The following C15orf39 variants were observed in gnomAD, a reference collection of about 807,000 sequenced individuals.
C15orf39 encodes uncharacterized protein C15orf39.
C15orf39 carries 24 observed loss-of-function variants against 53.9 expected under a neutral mutation model. The ratio of observed to expected loss-of-function variants is 0.45; its 90% CI spans 0.32 to 0.63. The LOEUF (loss-of-function observed/expected upper bound fraction) is 0.63, where lower values mean the gene tolerates loss of function less well. Ranked by LOEUF, C15orf39 falls within the 20% of genes least tolerant of loss-of-function variation. The probability of loss-of-function intolerance (pLI) is 0.04; values close to 1 mark genes in which losing one functional copy is unlikely to be tolerated. For missense variants in C15orf39, 1,271 were observed against 1,347.9 expected, an observed-to-expected ratio of 0.94 and a Z score of 0.89; for synonymous variants, 569 against 576.5, an observed-to-expected ratio of 0.99 and a Z score of 0.19.
At chr15:75,199,458 G>A (rs760626567), upstream of C15orf39, among the ~76,000 whole-genome samples, 2 of 152,212 alleles carry the variant, frequency 1.3e-5, no homozygotes, top group Non-Finnish European at 2.9e-5. Flanking sequence ...ATACTTCTCT[G>A]TTTCTCTGCC....
Position 75,207,795 on chromosome 15 carries a change from G to A in C15orf39, c.1747G>A (p.Ala583Thr), listed in dbSNP as rs745315547. 1 of 1,612,064 alleles carries A rather than the reference G, an allele frequency of 6.2e-7. No individual in the cohort carries two copies. The highest frequency in any genetic ancestry group is 8.5e-7 in the Non-Finnish European group (1 of 1,179,426). ...GGATTTGAGTGTGAGGAAGCCCACA[G>A]CAGAGGCCTCCCCTGTCAAGGCTTC... ...ALDLSVRKPT[A>T]EASPVKASRS... Residue 583 changes from alanine (A) to threonine (T), a missense_variant, in exon 2 of 3, where the codon GCA becomes ACA. This residue lies in a region of C15orf39 where 994 missense variants were observed against 993.7 expected (regional missense o/e 1.00). Coordinates refer to ENST00000394987, the MANE Select transcript of C15orf39 (RefSeq NM_015492.5).
intron 1 of C15orf39, among the ~76,000 whole-genome samples, chr15:75,204,426 T>C (rs1350286069): frequency 6.6e-6 from 1 of 152,274 alleles, no homozygotes; most frequent in African/African-American, 2.4e-5. Context: ...GAGTAGTGGC[T>C]AAGTAGCACT....
In C15orf39 at chr15:75,208,769, C is replaced by T. The variant is rs1285420232; in HGVS notation, c.2721C>T (p.Asp907=). The change falls in exon 2 of 3, where the codon GAC becomes GAT. Residue 907 remains aspartate, a synonymous_variant. Coordinates refer to ENST00000394987, the MANE Select transcript of C15orf39 (RefSeq NM_015492.5). ...TACTGGCGCTGCGCCAGCTGCCGGA[C>T]ATTTACCCCGACCTTCTCGGCCTGC... ...LKLLALRQLP[D]IYPDLLGLQW... 3 of 1,608,032 alleles carry T rather than the reference C, an allele frequency of 1.9e-6. No individual in the cohort carries two copies. The Admixed American group carries it at 5.0e-5, about 27-fold the overall frequency.
rs2070448154 is a variant in C15orf39, at chr15:75,207,364, A to G, written c.1316A>G (p.Lys439Arg). 1 of 1,613,292 alleles carries G rather than the reference A, an allele frequency of 6.2e-7. No homozygotes were observed. The highest frequency in any genetic ancestry group is 1.7e-5 in the Admixed American group (1 of 59,994). The change falls in exon 2 of 3, where the codon AAG becomes AGG. Residue 439 changes from lysine (K) to arginine (R), a missense_variant. By Grantham distance (26) the Lys-to-Arg change is conservative. This residue lies in a region of C15orf39 where 994 missense variants were observed against 993.7 expected (regional missense o/e 1.00). Transcript: ENST00000394987. ...PVRPAQEAEEKTWLPSCRKEK... is the reference protein window; with the variant it reads ...PVRPAQEAEERTWLPSCRKEK... ...AGGCCTGCACAGGAAGCCGAAGAGA[A>G]GACCTGGCTGCCCAGCTGCAGGAAA... is the stretch of plus-strand genomic sequence containing the variant.
intron 1 of C15orf39, 103 bp from the exon 2 acceptor site, chr15:75,205,896 A>G: frequency 1.3e-6 from 1 of 752,116 alleles, no homozygotes; most frequent in South Asian, 1.9e-5. Context: ...TTTAAGCGCC[A>G]GGTTCTTAGG....
At position 75,210,797 on chromosome 15, in the gene C15orf39, T is replaced by G. The variant is rs753592859; in HGVS notation, c.2825T>G (p.Val942Gly). ...AGAVSSSEPTVARGEPESLAL... is the reference protein window; with the variant it reads ...AGAVSSSEPTGARGEPESLAL... Reference sequence around the variant, plus strand: ...GCTGTGTCCTCCTCAGAGCCCACTGTGGCCAGAGGTGAGCCAGAGAGCCTA... The same window carrying G: ...GCTGTGTCCTCCTCAGAGCCCACTGGGGCCAGAGGTGAGCCAGAGAGCCTA... Residue 942 changes from valine to glycine, a missense_variant, in exon 3 of 3, where the codon GTG becomes GGG. Physicochemically the swap from Val to Gly is moderately radical, Grantham distance 109. Transcript: ENST00000394987. 1.9e-6 allele frequency: 3 copies of G among 1,613,812 alleles called. 1 individual carries two copies. In the South Asian group the frequency reaches 3.3e-5, roughly 18 times the overall value.
Position 75,207,204 on chromosome 15 carries a change from T to A in C15orf39, c.1156T>A (p.Ser386Thr), listed in dbSNP as rs2070446878. 1 of 1,613,696 alleles carries A rather than the reference T, an allele frequency of 6.2e-7. No homozygotes were observed. Among genetic ancestry groups the A allele is most frequent in the Non-Finnish European group, 8.5e-7 (1 of 1,179,948 alleles). The change falls in exon 2 of 3, where the codon TCT becomes ACT. Residue 386 changes from serine (S) to threonine (T), a missense_variant. Around this residue, in one of 2 missense-constraint regions of C15orf39, gnomAD observed 994 missense variants for 993.7 expected, o/e 1.00. Coordinates refer to ENST00000394987, the MANE Select transcript of C15orf39 (RefSeq NM_015492.5). ...TTTTCCTTATGCCCGGGATGACCTC[T>A]CTCTCTATGGAGCATCCCCTGGGCT... ...LSFPYARDDL[S>T]LYGASPGLGG...
Position 75,208,257 on chromosome 15 carries a change from TCAGCCCGGGATC to T in C15orf39, c.2214_2225del (p.Arg739_Ala742del), listed in dbSNP as rs748899244. 533 of 1,599,458 alleles carry T rather than the reference TCAGCCCGGGATC, an allele frequency of 3.3e-4. 1 individual carries two copies. Among genetic ancestry groups the T allele is most frequent in the Non-Finnish European group, 4.1e-4 (480 of 1,172,762 alleles). On this transcript the variant is annotated inframe_deletion, in exon 2 of 3. Transcript: ENST00000394987. Reference sequence around the variant, plus strand: ...TCCGGCTCGAGCTCAGGCTCCAGCTTCAGCCCGGGATCCAGCTCCAGCTCCAGCTCCAGTTGC... The same window carrying T: ...TCCGGCTCGAGCTCAGGCTCCAGCTTCAGCTCCAGCTCCAGCTCCAGTTGC...
In C15orf39 at chr15:75,207,421, C is replaced by T. The variant is rs779688889; in HGVS notation, c.1373C>T (p.Ser458Phe). 4 of 1,613,366 alleles carry T rather than the reference C, an allele frequency of 2.5e-6. No individual in the cohort carries two copies. Among genetic ancestry groups the T allele is most frequent in the Non-Finnish European group, 3.4e-6 (4 of 1,180,022 alleles). ...EKLQPRLSEH[S>F]GPPIVIRDSP... ...CTCCAGCCCCGGCTCAGTGAGCACT[C>T]TGGGCCGCCCATCGTCATCCGAGAC... Residue 458 changes from serine (S) to phenylalanine (F), a missense_variant, in exon 2 of 3, where the codon TCT becomes TTT. Ser to Phe is a radical substitution (Grantham distance 155). Coordinates refer to ENST00000394987, the MANE Select transcript of C15orf39 (RefSeq NM_015492.5).
chr15:75,208,965 G>A (rs2070464180), intron 2 of C15orf39, 141 bp downstream of exon 2: 2 of 1,375,170 alleles, frequency 1.5e-6, no homozygotes, highest in African/African-American at 2.9e-5. Flanking sequence ...TGAGCTCTAG[G>A]TACCCCCACC....
At chr15:75,200,252 G>A (rs1349121559), upstream of C15orf39, among the ~76,000 whole-genome samples, 3 of 152,208 alleles carry the variant, frequency 2.0e-5, no homozygotes, top group African/African-American at 7.2e-5. Flanking sequence ...TGTTGAGTGG[G>A]GCTGCTGTCT....
intron 2 of C15orf39, 194 bp downstream of exon 2, chr15:75,209,018 T>C: frequency 3.1e-6 from 3 of 954,688 alleles, no homozygotes; most frequent in Non-Finnish European, 4.5e-6. Context: ...CATAGCCTCT[T>C]TTGTAGGCTT....
chr15:75,199,847 C>T (rs2070390585), upstream of C15orf39, among the ~76,000 whole-genome samples: 1 of 152,340 alleles, frequency 6.6e-6, no homozygotes, highest in African/African-American at 2.4e-5. Context: ...TTTATTCACA[C>T]TATTCCTTCT....
In C15orf39 at chr15:75,207,736, C is replaced by T; in HGVS notation, c.1688C>T (p.Pro563Leu). ...CAGGAGGGCCCCTCAGGGAGTAAAC[C>T]CCTAAGGGGCTCACTTAAGGAGGAG... is the stretch of plus-strand genomic sequence containing the variant. ...PAQEGPSGSK[P>L]LRGSLKEEVA... Residue 563 changes from proline (P) to leucine (L), a missense_variant, in exon 2 of 3, where the codon CCC becomes CTC. Transcript: ENST00000394987. 1.2e-6 allele frequency: 2 copies of T among 1,606,614 alleles called. No homozygotes were observed. The highest frequency in any genetic ancestry group is 1.7e-6 in the Non-Finnish European group (2 of 1,176,280).
rs2070439250 is a variant in C15orf39 at position 75,206,471 on chromosome 15, G to T, written c.423G>T (p.Gly141=). Reference sequence around the variant, plus strand: ...TCTACCGCAACCCTCTGTGCTATGGGCTCTCAACTTGTCTGGGGGAAGGAG... The same window carrying T: ...TCTACCGCAACCCTCTGTGCTATGGTCTCTCAACTTGTCTGGGGGAAGGAG... The part of the protein sequence containing the change: ...KPVYRNPLCY[G]LSTCLGEGAV... The change falls in exon 2 of 3, where the codon GGG becomes GGT. Residue 141 remains glycine (G), a synonymous_variant. Transcript: ENST00000394987. 3 of 1,613,914 alleles carry T rather than the reference G, an allele frequency of 1.9e-6. No individual in the cohort carries two copies. The highest frequency in any genetic ancestry group is 1.3e-5 in the African/African-American group (1 of 74,914).
intron 1 of C15orf39, among the ~76,000 whole-genome samples, chr15:75,203,067 G>A (rs1205154598): frequency 6.6e-6 from 1 of 152,272 alleles, no homozygotes; most frequent in East Asian, 1.9e-4. Flanking sequence ...CTCAGGTAGG[G>A]AAGGTGGGAG....
chr15:75,205,031 C>T (rs2070428854), intron 1 of C15orf39, among the ~76,000 whole-genome samples: 1 of 152,144 alleles, frequency 6.6e-6, no homozygotes, highest in Non-Finnish European at 1.5e-5. Flanking sequence ...GACTGATGTC[C>T]CCAGTTACCT....
chr15:75,199,790 C>T (rs930709994), upstream of C15orf39, among the ~76,000 whole-genome samples: 9 of 152,180 alleles, frequency 5.9e-5, no homozygotes, highest in Admixed American at 5.9e-4. Flanking sequence ...TCTGTGTTAA[C>T]TCTACTCGGG....
chr15:75,209,963 T>C (rs561682559), intron 2 of C15orf39, among the ~76,000 whole-genome samples: 1 of 152,188 alleles, frequency 6.6e-6, no homozygotes, highest in African/African-American at 2.4e-5. Flanking sequence ...ACTCAGGCGA[T>C]CTGTTACTGA....
Sources: allele counts gnomAD v4.1 joint callset (sites outside exome capture counted in the v4.1 genomes callset), GRCh38; gene constraint gnomAD v4.1.1; regional missense constraint gnomAD v4.1.1; transcripts MANE v1.5; gene names NCBI Gene and HGNC (gene_info 2026-07-23, HGNC 2026-07-21).